The following ZNF461 variants were observed in gnomAD, a reference collection of about 807,000 sequenced individuals.
ZNF461 encodes gonadotropin-inducible ovarian transcription factor-1.
In ZNF461, 16 loss-of-function variants were observed where a neutral mutation model predicts 18.3. That is an observed-to-expected ratio of 0.88 (90% CI 0.59 to 1.33). ZNF461 has a LOEUF of 1.33. ZNF461 is among the 40% of genes most tolerant of loss of function. The probability of loss-of-function intolerance (pLI) is 0.00; values close to 1 mark genes in which losing one functional copy is unlikely to be tolerated. For synonymous variants in ZNF461, 179 were observed against 216.9 expected, an observed-to-expected ratio of 0.83 and a Z score of 1.54; for missense variants, 595 against 669.9, an observed-to-expected ratio of 0.89 and a Z score of 1.23.
At chr19:36,648,447 C>T (rs1416203393) in intron 4 of ZNF461, among the ~76,000 whole-genome samples, 2 of 152,016 alleles carry the variant, frequency 1.3e-5, no homozygotes, top group Non-Finnish European at 2.9e-5. Context: ...TACATTCTCA[C>T]CAATAGTGCA....
intron 4 of ZNF461, among the ~76,000 whole-genome samples, chr19:36,650,195 A>G (rs2037602308): frequency 6.6e-6 from 1 of 152,198 alleles, no homozygotes; most frequent in South Asian, 2.1e-4. Flanking sequence ...TTAAATAATA[A>G]TAATAAGAAT....
chr19:36,656,078 A>G lies in ZNF461; in HGVS notation c.232+370T>C, dbSNP rs146605914. Among the ~76,000 whole-genome samples, 609 of 150,106 alleles carry G rather than the reference A, an allele frequency of 4.1e-3. 5 individuals carry two copies. Among genetic ancestry groups the G allele is most frequent in the African/African-American group, 0.014 (580 of 40,906 alleles). ...TGTGGCGCGATCTCCGCTCACTGCA[A>G]GCTCCGCCTTCCGGGTTCACACCAT... On this transcript the variant is annotated intron_variant, in intron 4 of 5. Transcript: ENST00000588268.
chr19:36,666,095 G>GT (rs111371703), intron 1 of ZNF461, among the ~76,000 whole-genome samples: 5,865 of 141,284 alleles, frequency 0.042, 335 homozygotes, highest in African/African-American at 0.13. Context: ...ATGTTTTTTT[G>GT]TTTTTTTTTT....
intron 2 of ZNF461, among the ~76,000 whole-genome samples, chr19:36,660,701 T>A (rs3108194): frequency 0.33 from 48,298 of 147,408 alleles, 8,025 homozygotes; most frequent in African/African-American, 0.42. Context: ...TTGATTTTTT[T>A]AAAAAAAAAA....
chr19:36,665,221 T>C (rs1280257472), intron 1 of ZNF461, among the ~76,000 whole-genome samples: 1 of 152,026 alleles, frequency 6.6e-6, no homozygotes, highest in Admixed American at 6.6e-5. Context: ...ATTTCAAAAA[T>C]AGAGGCTGAA....
chr19:36,665,724 AAAAG>A (rs1369486793), intron 1 of ZNF461, among the ~76,000 whole-genome samples: 1 of 151,454 alleles, frequency 6.6e-6, no homozygotes. Context: ...AAAAAAAAAA[AAAAG>A]GAAGTTGCAG....
At chr19:36,666,441 T>C (rs1039368131) in intron 1 of ZNF461, among the ~76,000 whole-genome samples, 2 of 152,068 alleles carry the variant, frequency 1.3e-5, no homozygotes, top group African/African-American at 4.8e-5. Context: ...TTTACACAAA[T>C]AGCCATTCAC....
chr19:36,647,793 T>C (rs922799898), intron 4 of ZNF461, among the ~76,000 whole-genome samples: 15 of 152,072 alleles, frequency 9.9e-5, no homozygotes, highest in Admixed American at 8.5e-4. Flanking sequence ...GGGAAGTAAC[T>C]GGATTATGGG....
At chr19:36,648,463 G>T (rs542607041) in intron 4 of ZNF461, among the ~76,000 whole-genome samples, 1 of 151,112 alleles carries the variant, frequency 6.6e-6, no homozygotes. Flanking sequence ...GTGCACAAAG[G>T]TTCAAATTTC....
chr19:36,650,000 C>A (rs1397397856), intron 4 of ZNF461, among the ~76,000 whole-genome samples: 1 of 151,930 alleles, frequency 6.6e-6, no homozygotes, highest in Non-Finnish European at 1.5e-5. Flanking sequence ...CATGGTGAAA[C>A]CCCGTCCCTA....
In ZNF461 at chr19:36,637,143, T is replaced by C. The variant is rs2037307692; in HGVS notation, c.*1510A>G. ...ATTCTATTCGCTAAATCCAATAAAT[T>C]GCATGTTAGAATGCATGTTAACATT... On this transcript the variant is annotated 3_prime_UTR_variant, in exon 6 of 6. Transcript: ENST00000588268. 1 of 152,196 alleles carries C rather than the reference T, an allele frequency of 6.6e-6. No homozygotes were observed. Among genetic ancestry groups the C allele is most frequent in the South Asian group, 2.1e-4 (1 of 4,828 alleles). The allele number at this position is 152,196 out of a possible 1,614,324, so 9.4% of individuals were successfully genotyped here. A position where few individuals can be genotyped will look rare whatever the true frequency, so the allele number is the denominator to read the frequency against.
chr19:36,639,406 T>C lies in ZNF461; in HGVS notation c.939A>G (p.Arg313=), dbSNP rs759008181. ...CKECGKAFRQ[R]SQLTQHQRLH... ...GTCTCTGATGTTGAGTAAGCTGTGA[T>C]CGCTGTCTAAAGGCCTTCCCACATT... Residue 313 remains arginine (R), a synonymous_variant, in exon 6 of 6, where the codon CGA becomes CGG. Coordinates refer to ENST00000588268, the MANE Select transcript of ZNF461 (RefSeq NM_153257.5). The C allele has an allele frequency of 6.2e-7, 1 of 1,612,034 alleles. No individual in the cohort carries two copies. Among genetic ancestry groups the C allele is most frequent in the East Asian group, 2.2e-5 (1 of 44,652 alleles).
chr19:36,651,786 A>G (rs542440411), intron 4 of ZNF461, among the ~76,000 whole-genome samples: 9 of 152,352 alleles, frequency 5.9e-5, no homozygotes, highest in African/African-American at 1.9e-4. Flanking sequence ...CACAATTCCC[A>G]TGAAAATCTA....
At chr19:36,652,591 C>T (rs1048390036) in intron 4 of ZNF461, among the ~76,000 whole-genome samples, 8 of 151,332 alleles carry the variant, frequency 5.3e-5, no homozygotes, top group African/African-American at 9.7e-5. Flanking sequence ...AGTTCTTAGA[C>T]GTGACACTAA....
chr19:36,664,678 G>T lies in ZNF461; in HGVS notation c.9+20C>A. On this transcript the variant is annotated intron_variant, in intron 2 of 5. Coordinates refer to ENST00000588268, the MANE Select transcript of ZNF461 (RefSeq NM_153257.5). ...AAAAAATCAAGTATTGTAATTAGGA[G>T]CAAGAAAAAACCAACTTACATGGGC... is the stretch of plus-strand genomic sequence containing the variant. The T allele has an allele frequency of 6.6e-7, 1 of 1,513,510 alleles. No individual in the cohort carries two copies. Among genetic ancestry groups the T allele is most frequent in the Non-Finnish European group, 8.8e-7 (1 of 1,136,702 alleles). The allele number at this position is 1,513,510 out of a possible 1,614,324, so 93.8% of individuals were successfully genotyped here.
At chr19:36,647,223 C>T (rs1233618482) in intron 4 of ZNF461, among the ~76,000 whole-genome samples, 6 of 152,140 alleles carry the variant, frequency 3.9e-5, no homozygotes. Flanking sequence ...ATTTCTTCAG[C>T]TGTAGTTGAC....
At position 36,640,472 on chromosome 19, in the gene ZNF461, C is replaced by T. The variant is rs185924281; in HGVS notation, c.302-429G>A. ...CCTTTTTAAAAAATATCAATTGAAC[C>T]CATGGCTTTTTATTTGAGAATAAAG... On this transcript the variant is annotated intron_variant, in intron 5 of 5. Transcript: ENST00000588268. Among the ~76,000 whole-genome samples the T allele has an allele frequency of 9.2e-5, 14 of 152,278 alleles. No individual in the cohort carries two copies. The East Asian group carries it at 2.5e-3, about 27-fold the overall frequency.
Position 36,658,361 on chromosome 19 carries a change from G to C in ZNF461, c.74C>G (p.Pro25Arg). The change falls in exon 3 of 6, where the codon CCA (proline) becomes CGA (arginine). Residue 25 changes from proline (P) to arginine (R), a missense_variant. Coordinates refer to ENST00000588268, the MANE Select transcript of ZNF461 (RefSeq NM_153257.5). ...CTCCTTGTACAAATTCCTCTGCGCT[G>C]GGTTCAGGCATTCCCATTCCTCCTG... ...VSQEEWECLNPAQRNLYKEVM... is the reference protein window; with the variant it reads ...VSQEEWECLNRAQRNLYKEVM... The C allele has an allele frequency of 6.2e-7, 1 of 1,611,516 alleles. No individual in the cohort carries two copies. Among genetic ancestry groups the C allele is most frequent in the Non-Finnish European group, 8.5e-7 (1 of 1,178,658 alleles).
chr19:36,657,919 C>T (rs2037752271), intron 3 of ZNF461, among the ~76,000 whole-genome samples: 1 of 152,232 alleles, frequency 6.6e-6, no homozygotes, highest in South Asian at 2.1e-4. Context: ...AAAAGCTTCA[C>T]TCCTGGAACC....
Sources: gnomAD v4.1 joint callset for allele counts (sites outside exome capture counted in the v4.1 genomes callset) on GRCh38, gnomAD v4.1.1 for gene constraint, MANE v1.5 for transcripts, NCBI Gene and HGNC (gene_info 2026-07-23, HGNC 2026-07-21) for gene names.